The following SLC39A10 variants were observed in gnomAD, a reference collection of about 807,000 sequenced individuals.
The protein encoded by SLC39A10 is solute carrier family 39 member 10.
A neutral mutation model predicts 65.1 loss-of-function variants in SLC39A10; 13 were observed. That is an observed-to-expected ratio of 0.20 (90% confidence interval 0.13 to 0.32). SLC39A10 has a LOEUF of 0.32. Ranked by LOEUF, SLC39A10 falls within the 10% of genes least tolerant of loss-of-function variation. The pLI is 1.00. For missense variants in SLC39A10, 831 were observed against 1,018.4 expected (o/e 0.82, Z 2.50); for synonymous variants, 321 against 342.2 (o/e 0.94, Z 0.68).
chr2:195,646,995 T>TA (rs1355085420), intron 2 of SLC39A10, among the ~76,000 whole-genome samples: 1 of 152,184 alleles, frequency 6.6e-6, no homozygotes, highest in Non-Finnish European at 1.5e-5. Flanking sequence ...AGCATCATTT[T>TA]ATCTCTCTGA....
chr2:195,633,977 C>T (rs1051328164), intron 2 of SLC39A10, among the ~76,000 whole-genome samples: 1 of 152,234 alleles, frequency 6.6e-6, no homozygotes, highest in East Asian at 1.9e-4. Flanking sequence ...TAGAATTTCT[C>T]TGCCTCCTGT....
At chr2:195,727,321 C>T (rs952679571) in intron 8 of SLC39A10, among the ~76,000 whole-genome samples, 2 of 152,256 alleles carry the variant, frequency 1.3e-5, no homozygotes, top group Middle Eastern at 3.4e-3. Flanking sequence ...TCACCAGTGT[C>T]ACCATTCTTC....
rs187022828 is a variant in SLC39A10, at chr2:195,639,560, G to A, written c.-12+33327G>A. On this transcript the variant is annotated intron_variant, in intron 2 of 2. Coordinates refer to the SLC39A10 transcript ENST00000458054. ...ATAGCCCACATTTAATGAGTGGGAA[G>A]TTATGCTCTGAATTCTTATATTTAT... is the stretch of plus-strand genomic sequence containing the variant. Among the ~76,000 whole-genome samples the A allele has an allele frequency of 1.6e-3, 240 of 152,248 alleles. 1 individual carries two copies. The highest frequency in any genetic ancestry group is 2.9e-3 in the Non-Finnish European group (194 of 68,018).
At chr2:195,619,881 T>C (rs1323737585) in intron 2 of SLC39A10, among the ~76,000 whole-genome samples, 2 of 151,824 alleles carry the variant, frequency 1.3e-5, no homozygotes. Context: ...GGACTTTATT[T>C]ATTTATTTAG....
chr2:195,652,689 G>A (rs754116602), upstream of SLC39A10, among the ~76,000 whole-genome samples: 1 of 152,012 alleles, frequency 6.6e-6, no homozygotes, highest in Non-Finnish European at 1.5e-5. Context: ...TTTAAAAGAC[G>A]CCAGACTCAG....
At chr2:195,697,778 T>G (rs932767570) in intron 3 of SLC39A10, among the ~76,000 whole-genome samples, 1 of 152,140 alleles carries the variant, frequency 6.6e-6, no homozygotes, top group Admixed American at 6.6e-5. Flanking sequence ...ATAAACACTT[T>G]TCAATAAAAG....
intron 2 of SLC39A10, among the ~76,000 whole-genome samples, chr2:195,637,487 T>C (rs1373403505): frequency 2.6e-5 from 4 of 152,198 alleles, no homozygotes; most frequent in African/African-American, 7.2e-5. Flanking sequence ...TTTTGAATGA[T>C]GGATTAGTAA....
chr2:195,684,657 A>G (rs1690456524), intron 3 of SLC39A10, among the ~76,000 whole-genome samples: 1 of 151,646 alleles, frequency 6.6e-6, no homozygotes, highest in Admixed American at 6.6e-5. Flanking sequence ...ATAATCAGGT[A>G]TGAAGTCCAG....
At chr2:195,688,486 G>A (rs186101117) in intron 3 of SLC39A10, among the ~76,000 whole-genome samples, 6 of 152,326 alleles carry the variant, frequency 3.9e-5, no homozygotes, top group Admixed American at 6.5e-5. Context: ...TTCCTTGGAA[G>A]ATTCCAAGTT....
At chr2:195,694,438 G>A (rs1423431970) in intron 3 of SLC39A10, among the ~76,000 whole-genome samples, 2 of 148,482 alleles carry the variant, frequency 1.3e-5, no homozygotes, top group African/African-American at 5.1e-5. Context: ...AGATTATTTT[G>A]TCCCACTGGG....
chr2:195,706,795 GTTT>G lies in SLC39A10; in HGVS notation c.1386+13_1386+15del. 6.9e-7 allele frequency: 1 copy of G among 1,455,566 alleles called. No homozygotes were observed. Among genetic ancestry groups the G allele is most frequent in the Non-Finnish European group, 9.0e-7 (1 of 1,105,830 alleles). 90.2% of individuals were successfully genotyped at this position (1,455,566 alleles called of 1,614,324 possible). A position where few individuals can be genotyped will look rare whatever the true frequency, so the allele number is the denominator to read the frequency against. On this transcript the variant is annotated intron_variant, in intron 4 of 9. Transcript: ENST00000359634. ...TCATCTACTGCCCCATGTAAGAAAT[GTTT>G]TTAATGTTTTTAAAAATTTAAAATA...
At chr2:195,662,457 T>G (rs2105733346) in intron 1 of SLC39A10, among the ~76,000 whole-genome samples, 1 of 140,096 alleles carries the variant, frequency 7.1e-6, no homozygotes, top group East Asian at 2.1e-4. Context: ...TTTTTTATTG[T>G]AGAGACAAGA....
At chr2:195,691,572 G>A (rs958430265) in intron 3 of SLC39A10, among the ~76,000 whole-genome samples, 2 of 152,142 alleles carry the variant, frequency 1.3e-5, no homozygotes, top group African/African-American at 4.8e-5. Context: ...CAGGAGTGAG[G>A]TGGTATCACA....
chr2:195,690,781 T>A (rs1690709699), intron 3 of SLC39A10, among the ~76,000 whole-genome samples: 1 of 152,208 alleles, frequency 6.6e-6, no homozygotes, highest in Admixed American at 6.5e-5. Context: ...CCTTATCAGA[T>A]ATATGATCTG....
intron 2 of SLC39A10, among the ~76,000 whole-genome samples, chr2:195,617,774 C>T (rs1237887567): frequency 1.0e-5 from 1 of 95,876 alleles, no homozygotes; most frequent in East Asian, 2.7e-4. Flanking sequence ...CAGAGTCTCA[C>T]TGTCTACCAG....
At chr2:195,620,165 C>T (rs1006139375) in intron 2 of SLC39A10, among the ~76,000 whole-genome samples, 5 of 152,044 alleles carry the variant, frequency 3.3e-5, no homozygotes, top group Non-Finnish European at 7.4e-5. Context: ...CTCAAGTGAT[C>T]CCCCCGCCTT....
At chr2:195,709,341 T>C (rs1691523280) in intron 5 of SLC39A10, among the ~76,000 whole-genome samples, 1 of 152,132 alleles carries the variant, frequency 6.6e-6, no homozygotes, top group South Asian at 2.1e-4. Flanking sequence ...AAGCAATTCT[T>C]GTGCCTCGGC....
chr2:195,650,105 T>C (rs975939991), intron 2 of SLC39A10, among the ~76,000 whole-genome samples: 4 of 152,038 alleles, frequency 2.6e-5, no homozygotes, highest in East Asian at 1.9e-4. Context: ...ATTGTAGGAA[T>C]TGGCAAGTAC....
intron 1 of SLC39A10, 187 bp downstream of exon 1, chr2:195,657,468 C>G (rs1689191764): frequency 3.0e-6 from 3 of 985,810 alleles, no homozygotes; most frequent in Middle Eastern, 5.2e-4. Context: ...GGCGGCCAGC[C>G]GAAGCAGAGC....
Sources: gnomAD v4.1 joint callset for allele counts (sites outside exome capture counted in the v4.1 genomes callset) on GRCh38, gnomAD v4.1.1 for gene constraint, MANE v1.5 for transcripts, NCBI Gene and HGNC (gene_info 2026-07-23, HGNC 2026-07-21) for gene names.